The following SLC30A3 variants were observed in gnomAD, a reference collection of about 807,000 sequenced individuals.
SLC30A3 encodes the protein probable proton-coupled zinc antiporter SLC30A3.
SLC30A3 carries 20 observed loss-of-function variants against 35.6 expected under a neutral mutation model. The observed-to-expected ratio is 0.56, with a 90% CI of 0.39 to 0.82. The LOEUF (loss-of-function observed/expected upper bound fraction) is 0.82. Among genes scored for constraint, SLC30A3 ranks in the 40% least tolerant of loss-of-function variants. The pLI is 0.00. For synonymous variants in SLC30A3, 217 were observed against 224.7 expected, an observed-to-expected ratio of 0.97 and a Z score of 0.31; for missense variants, 401 against 530.6, an observed-to-expected ratio of 0.76 and a Z score of 2.40.
rs995596578 is a variant in SLC30A3 at position 27,257,801 on chromosome 2, C to T, written c.578+104G>A. ...GGCAGCCCATGGAGAGCTGTGTGTG[C>T]GTGTCTGTGTGTCTGGTGGGGAGGA... On this transcript the variant is annotated intron_variant, in intron 4 of 7. Coordinates refer to ENST00000233535, the MANE Select transcript of SLC30A3 (RefSeq NM_003459.5). This position sits in a 1 kb window ranked among gnomAD's most constrained non-coding sequence, Gnocchi z 4.7. The T allele has an allele frequency of 4.5e-5, 52 of 1,160,600 alleles. No individual in the cohort carries two copies. The highest frequency in any genetic ancestry group is 4.2e-4 in the African/African-American group (28 of 65,902). The allele number at this position is 1,160,600 out of a possible 1,614,324, so 71.9% of individuals were successfully genotyped here.
Position 27,257,741 on chromosome 2 carries a change from G to T in SLC30A3, c.578+164C>A, listed in dbSNP as rs553437843. 3 of 695,828 alleles carry T rather than the reference G, an allele frequency of 4.3e-6. No homozygotes were observed. The South Asian group carries it at 5.7e-5, about 13-fold the overall frequency. The allele number at this position is 695,828 out of a possible 1,614,324, so 43.1% of individuals were successfully genotyped here. A position where few individuals can be genotyped will look rare whatever the true frequency, so the allele number is the denominator to read the frequency against. ...ACAGAGATCTGCTGACTGAATTTTA[G>T]GTCTCTATCCCAGACCCTTCTCAGG... On this transcript the variant is annotated intron_variant, in intron 4 of 7. Coordinates refer to ENST00000233535, the MANE Select transcript of SLC30A3 (RefSeq NM_003459.5). The surrounding 1 kb of genome is among the most constrained non-coding windows in gnomAD (Gnocchi z 4.7).
In SLC30A3 at chr2:27,263,013, G is replaced by A; in HGVS notation, c.-107C>T. ...CGACCCCCGGGATCCCCGCAGGGCGGCGGGGCCACCAGAGTGGAGCGAACT... is the reference window on the plus strand; with the variant it reads ...CGACCCCCGGGATCCCCGCAGGGCGACGGGGCCACCAGAGTGGAGCGAACT... On this transcript the variant is annotated 5_prime_UTR_variant, in exon 1 of 8. Transcript: ENST00000233535. 1 of 1,409,462 alleles carries A rather than the reference G, an allele frequency of 7.1e-7. No individual in the cohort carries two copies. The highest frequency in any genetic ancestry group is 1.5e-5 in the African/African-American group (1 of 65,364). 87.3% of individuals were successfully genotyped at this position (1,409,462 alleles called of 1,614,324 possible).
At chr2:27,263,973 T>TG, upstream of SLC30A3, 1 of 1,179,214 alleles carries the variant, frequency 8.5e-7, no homozygotes, top group Non-Finnish European at 1.1e-6. Flanking sequence ...CTGCCTCATT[T>TG]GGGGGAAACT....
rs771062934 is a variant in SLC30A3, at chr2:27,258,359, T to C, written c.278-52A>G. On this transcript the variant is annotated intron_variant, in intron 2 of 7. Transcript: ENST00000233535. This position sits in a 1 kb window ranked among gnomAD's most constrained non-coding sequence, Gnocchi z 4.0. ...CTTCCATTTAGAAAATATCATGTAG[T>C]GTGTATAGGCATGGAAAATAAATTG... 4 of 1,484,032 alleles carry C rather than the reference T, an allele frequency of 2.7e-6. No homozygotes were observed. The highest frequency in any genetic ancestry group is 3.6e-6 in the Non-Finnish European group (4 of 1,113,572). The allele number at this position is 1,484,032 out of a possible 1,614,324, so 91.9% of individuals were successfully genotyped here.
Position 27,254,999 on chromosome 2 carries a change from G to A in SLC30A3, c.*313C>T, listed in dbSNP as rs997605517. 16 of 1,127,132 alleles carry A rather than the reference G, an allele frequency of 1.4e-5. No individual in the cohort carries two copies. In the South Asian group the frequency reaches 1.6e-4, roughly 11 times the overall value. 69.8% of individuals were successfully genotyped at this position (1,127,132 alleles called of 1,614,324 possible). ...AATGGACTGCAGGGAAAGGATGTTC[G>A]TGGCTCCACATGAACCATGGGGAGA... is the stretch of plus-strand genomic sequence containing the variant. On this transcript the variant is annotated 3_prime_UTR_variant, in exon 8 of 8. Coordinates refer to ENST00000233535, the MANE Select transcript of SLC30A3 (RefSeq NM_003459.5).
At chr2:27,272,678 G>T (rs572376987) in intron 1 of SLC30A3, among the ~76,000 whole-genome samples, 1 of 150,806 alleles carries the variant, frequency 6.6e-6, no homozygotes, top group Non-Finnish European at 1.5e-5. Flanking sequence ...GACCCGCCTC[G>T]GCCTCCCAAA....
upstream of SLC30A3, among the ~76,000 whole-genome samples, chr2:27,265,355 T>G: frequency 6.6e-6 from 1 of 152,188 alleles, no homozygotes. This position sits in a 1 kb window ranked among gnomAD's most constrained non-coding sequence, Gnocchi z 5.9. Context: ...AAAATTTATG[T>G]AAGGAAAGCT....
intron 1 of SLC30A3, among the ~76,000 whole-genome samples, chr2:27,269,141 T>A (rs1677619176): frequency 6.6e-6 from 1 of 151,484 alleles, no homozygotes; most frequent in Non-Finnish European, 1.5e-5. Context: ...ACAAAAAAAA[T>A]AGTCTGGGGG....
At chr2:27,275,509 A>G (rs1677981839), upstream of SLC30A3, 2 of 332,614 alleles carry the variant, frequency 6.0e-6, no homozygotes, top group Non-Finnish European at 1.2e-5. Flanking sequence ...TTTCACACCC[A>G]AAAGGATGAA....
At chr2:27,269,084 C>G (rs1420217437) in intron 1 of SLC30A3, among the ~76,000 whole-genome samples, 1 of 151,574 alleles carries the variant, frequency 6.6e-6, no homozygotes, top group Non-Finnish European at 1.5e-5. Context: ...AAGAATGAGT[C>G]TACAGTCTTA....
intron 1 of SLC30A3, among the ~76,000 whole-genome samples, chr2:27,269,355 G>A (rs938923654): frequency 6.6e-6 from 1 of 151,802 alleles, no homozygotes; most frequent in Admixed American, 6.6e-5. Context: ...ACAGGTATGT[G>A]CCACCACACG....
Position 27,256,614 on chromosome 2 carries a change from G to A in SLC30A3, c.884-94C>T, listed in dbSNP as rs1676871669. 4 of 1,533,366 alleles carry A rather than the reference G, an allele frequency of 2.6e-6. No individual in the cohort carries two copies. In the South Asian group the frequency reaches 4.6e-5, roughly 17 times the overall value. The allele number at this position is 1,533,366 out of a possible 1,614,324, so 95.0% of individuals were successfully genotyped here. On this transcript the variant is annotated intron_variant, in intron 6 of 7. Transcript: ENST00000233535. ...GGATTCCACCTCCCCTATCCTGTAT[G>A]CACTCTCCTTTTGACCCCTACAATT...
chr2:27,275,107 G>A (rs1677948342), intron 1 of SLC30A3: 2 of 1,075,172 alleles, frequency 1.9e-6, no homozygotes, highest in African/African-American at 1.6e-5. Context: ...GGACCAAGCG[G>A]AGAGCCCTAA....
chr2:27,263,431 G>A, upstream of SLC30A3: 8 of 423,652 alleles, frequency 1.9e-5, 1 homozygote, highest in South Asian at 1.2e-4. Flanking sequence ...ACCCTCACGC[G>A]GAGGCAGAAA....
In SLC30A3 at chr2:27,257,321, G is replaced by A. The variant is rs1446284337; in HGVS notation, c.610C>T (p.Pro204Ser). Residue 204 changes from proline to serine, a missense_variant, in exon 5 of 8, where the codon CCC (proline) becomes TCC (serine). Physicochemically the swap from Pro to Ser is moderately conservative, Grantham distance 74. Transcript: ENST00000233535. This position sits in a 1 kb window ranked among gnomAD's most constrained non-coding sequence, Gnocchi z 4.7. The stretch of plus-strand genomic sequence containing the variant: ...GCTCCCCTAGACCCGTGGCTGTGGG[G>A]GGGCCCAGCCTGGTGCAGCACAAAG... Reference protein sequence around the residue: ...MAFVLHQAGPPHSHGSRGAEY... With the variant: ...MAFVLHQAGPSHSHGSRGAEY... 1.9e-6 allele frequency: 3 copies of A among 1,613,440 alleles called. No homozygotes were observed. Among genetic ancestry groups the A allele is most frequent in the East Asian group, 2.2e-5 (1 of 44,834 alleles).
At chr2:27,261,615 G>A (rs1211205757) in intron 1 of SLC30A3, among the ~76,000 whole-genome samples, 1 of 152,154 alleles carries the variant, frequency 6.6e-6, no homozygotes, top group Non-Finnish European at 1.5e-5. Context: ...GGTGTGTGGG[G>A]GTGTGGGCAT....
chr2:27,257,873 C>T lies in SLC30A3; in HGVS notation c.578+32G>A. ...GGAGGAAGACCCCTCGCCCTGGGCC[C>T]CACAAGGTGCCTGCTCCATACTGGG... On this transcript the variant is annotated intron_variant, in intron 4 of 7. Coordinates refer to ENST00000233535, the MANE Select transcript of SLC30A3 (RefSeq NM_003459.5). This position sits in a 1 kb window ranked among gnomAD's most constrained non-coding sequence, Gnocchi z 4.7. 8.8e-6 allele frequency: 14 copies of T among 1,596,602 alleles called. No individual in the cohort carries two copies. Among genetic ancestry groups the T allele is most frequent in the Non-Finnish European group, 1.2e-5 (14 of 1,169,690 alleles).
chr2:27,261,738 G>C (rs1219429486), intron 1 of SLC30A3, among the ~76,000 whole-genome samples: 1 of 152,074 alleles, frequency 6.6e-6, no homozygotes, highest in African/African-American at 2.4e-5. Flanking sequence ...TGACGTAGCA[G>C]GGGCTGAACC....
In SLC30A3 at chr2:27,271,321, C is replaced by T. The variant is rs1189137891; in HGVS notation, c.-159+3856G>A. Among the ~76,000 whole-genome samples the T allele has an allele frequency of 6.6e-6, 1 of 152,182 alleles. No homozygotes were observed. The highest frequency in any genetic ancestry group is 1.5e-5 in the Non-Finnish European group (1 of 68,042). ...GTTGTTTGTGGGTAAACAAGGGATG[C>T]TTCTTCGTTTTCTCCATGAGAGACC... On this transcript the variant is annotated intron_variant, in intron 1 of 5. Coordinates refer to the SLC30A3 transcript ENST00000424577. This position sits in a 1 kb window ranked among gnomAD's most constrained non-coding sequence, Gnocchi z 4.3.
Sources: allele counts gnomAD v4.1 joint callset (sites outside exome capture counted in the v4.1 genomes callset), GRCh38; gene constraint gnomAD v4.1.1; non-coding constraint Gnocchi (gnomAD v3.1); transcripts MANE v1.5; gene names NCBI Gene and HGNC (gene_info 2026-07-23, HGNC 2026-07-21).